The following SPTAN1 variants were observed in gnomAD, a reference collection of about 807,000 sequenced individuals.
SPTAN1 encodes spectrin alpha, non-erythrocytic 1, also known as spectrin alpha chain, non-erythrocytic 1.
SPTAN1 carries 61 observed loss-of-function variants against 331.3 expected under a neutral mutation model. The observed-to-expected ratio is 0.18, with a 90% CI of 0.15 to 0.23. The LOEUF is 0.23. Among genes scored for constraint, SPTAN1 ranks in the 10% least tolerant of loss-of-function variants. The pLI, the probability that SPTAN1 is intolerant of heterozygous loss-of-function variation, is 1.00. For missense variants in SPTAN1, 2,043 were observed against 3,147.9 expected, an observed-to-expected ratio of 0.65 and a Z score of 8.40; for synonymous variants, 1,153 against 1,173.9, an observed-to-expected ratio of 0.98 and a Z score of 0.36.
intron 35 of SPTAN1, 30 bp downstream of exon 35, chr9:128,609,007 C>A: frequency 1.9e-6 from 3 of 1,614,016 alleles, no homozygotes; most frequent in Non-Finnish European, 2.5e-6. Flanking sequence ...GACATAGTCA[C>A]CAGCCCTGAG....
chr9:128,617,898 A>C, intron 42 of SPTAN1, 89 bp from the exon 43 acceptor site: 1 of 1,613,052 alleles, frequency 6.2e-7, no homozygotes, highest in Non-Finnish European at 8.5e-7. Context: ...GAAGTCCCAA[A>C]CTTGATGTTG....
chr9:128,561,083 A>G (rs568791402), intron 1 of SPTAN1, among the ~76,000 whole-genome samples: 1 of 148,106 alleles, frequency 6.8e-6, no homozygotes, highest in Non-Finnish European at 1.5e-5. Context: ...AATAAATAAT[A>G]TGTCGGCCAG....
At position 128,627,463 on chromosome 9, in the gene SPTAN1, C is replaced by T. The variant is rs372825476; in HGVS notation, c.6654C>T (p.His2218=). ...AGCTGCGCCAGGAGTTTGCCCAGCA[C>T]GCCAACGCCTTCCACCAGTGGATCC... The part of the protein sequence containing the change: ...NDKLRQEFAQ[H]ANAFHQWIQE... The change falls in exon 50 of 57, where the codon CAC becomes CAT. Residue 2218 remains histidine (H), a synonymous_variant. Transcript: ENST00000372739. This position sits in a 1 kb window ranked among gnomAD's most constrained non-coding sequence, Gnocchi z 4.9. 5.3e-5 allele frequency: 82 copies of T among 1,551,164 alleles called. No homozygotes were observed. Among genetic ancestry groups the T allele is most frequent in the Admixed American group, 1.2e-4 (6 of 51,024 alleles).
intron 1 of SPTAN1, among the ~76,000 whole-genome samples, chr9:128,557,169 C>G (rs2132676859): frequency 6.6e-6 from 1 of 152,312 alleles, no homozygotes; most frequent in Middle Eastern, 3.4e-3. Context: ...TCCTGTTAGT[C>G]CCTAAAAATC....
At chr9:128,586,604 C>T (rs985592226) in intron 19 of SPTAN1, among the ~76,000 whole-genome samples, 1 of 151,924 alleles carries the variant, frequency 6.6e-6, no homozygotes, top group African/African-American at 2.4e-5. Flanking sequence ...TATATACATA[C>T]CTACAAACAT....
chr9:128,592,957 G>T, intron 22 of SPTAN1, 26 bp from the exon 23 acceptor site: 1 of 1,595,856 alleles, frequency 6.3e-7, no homozygotes, highest in Non-Finnish European at 8.5e-7. Flanking sequence ...ATTCGTGCAT[G>T]CTTTTGCTGT....
At chr9:128,601,086 C>T (rs376149683) in intron 27 of SPTAN1, among the ~76,000 whole-genome samples, 6 of 147,414 alleles carry the variant, frequency 4.1e-5, no homozygotes, top group African/African-American at 1.3e-4. Flanking sequence ...CAGATTCAAG[C>T]GATCCTCCTT....
At position 128,627,531 on chromosome 9, in the gene SPTAN1, A is replaced by G. The variant is rs753397209; in HGVS notation, c.6689+33A>G. On this transcript the variant is annotated intron_variant, in intron 50 of 56. Transcript: ENST00000372739. The surrounding 1 kb of genome is among the most constrained non-coding windows in gnomAD (Gnocchi z 4.9). ...CCCGCTGGGGCCGGGGAGCAGCAGC[A>G]TGTCCCTGCTGTACTTAAGCCCTGG... The G allele has an allele frequency of 1.1e-5, 17 of 1,525,920 alleles. 1 individual carries two copies. The South Asian group carries it at 1.9e-4, about 17-fold the overall frequency. 94.5% of individuals were successfully genotyped at this position (1,525,920 alleles called of 1,614,324 possible).
chr9:128,562,004 G>T (rs1464213006), intron 1 of SPTAN1, among the ~76,000 whole-genome samples: 1 of 152,152 alleles, frequency 6.6e-6, no homozygotes, highest in Non-Finnish European at 1.5e-5. Context: ...GCAGAATGTG[G>T]CAGTGTTATA....
Position 128,633,202 on chromosome 9 carries a change from C to A in SPTAN1, c.7309-7C>A. The A allele has an allele frequency of 6.2e-7, 1 of 1,613,990 alleles. No individual in the cohort carries two copies. Among genetic ancestry groups the A allele is most frequent in the Non-Finnish European group, 8.5e-7 (1 of 1,180,014 alleles). On this transcript the variant is annotated splice_polypyrimidine_tract_variant and splice_region_variant and intron_variant, in intron 56 of 56. Coordinates refer to ENST00000372739, the MANE Select transcript of SPTAN1 (RefSeq NM_001130438.3). ...TCAGGCACCAGGTGCCATCTCTTAC[C>A]CCACAGAACCTGACCCGGGAACAAG...
At chr9:128,616,469 CTT>C (rs1257612433) in intron 41 of SPTAN1, among the ~76,000 whole-genome samples, 1 of 150,542 alleles carries the variant, frequency 6.6e-6, no homozygotes, top group East Asian at 2.0e-4. Flanking sequence ...GGATTTTGTT[CTT>C]AAAAGACGTT....
chr9:128,593,947 T>C, intron 23 of SPTAN1: 1 of 558,738 alleles, frequency 1.8e-6, no homozygotes, highest in Non-Finnish European at 3.3e-6. Context: ...GCCTGGCTGT[T>C]CTAGCCACCT....
At chr9:128,597,786 G>A (rs1854510070) in intron 24 of SPTAN1, among the ~76,000 whole-genome samples, 1 of 152,144 alleles carries the variant, frequency 6.6e-6, no homozygotes, top group African/African-American at 2.4e-5. Flanking sequence ...GAACAGCTGG[G>A]ATTACAGGCG....
chr9:128,613,105 G>T lies in SPTAN1; in HGVS notation c.5044-276G>T, dbSNP rs117630545. On this transcript the variant is annotated intron_variant, in intron 39 of 56. Transcript: ENST00000372739. Reference sequence around the variant, plus strand: ...CCACACTGCTGATTCTTTCCTAGGGGGGTTTCCTTGAACTAGGATTGCTGT... The same window carrying T: ...CCACACTGCTGATTCTTTCCTAGGGTGGTTTCCTTGAACTAGGATTGCTGT... Among the ~76,000 whole-genome samples, 4,663 of 152,038 alleles carry T rather than the reference G, an allele frequency of 0.031. 147 individuals carry two copies. Among genetic ancestry groups the T allele is most frequent in the Non-Finnish European group, 0.038 (2,609 of 67,974 alleles).
At chr9:128,573,483 T>A (rs1454604578) in intron 3 of SPTAN1, among the ~76,000 whole-genome samples, 2 of 152,218 alleles carry the variant, frequency 1.3e-5, no homozygotes, top group Non-Finnish European at 2.9e-5. Context: ...CGAGATGGAT[T>A]CTTGTTCTGT....
chr9:128,563,012 ATATATATATATATATG>A (rs1849596745), intron 1 of SPTAN1, among the ~76,000 whole-genome samples: 3 of 140,028 alleles, frequency 2.1e-5, no homozygotes, highest in African/African-American at 8.2e-5. Flanking sequence ...ATATATATAT[ATATATATATATATATG>A]TATATATTTT....
Position 128,607,629 on chromosome 9 carries a change from A to G in SPTAN1, c.4072A>G (p.Ile1358Val). 1.2e-6 allele frequency: 2 copies of G among 1,614,038 alleles called. No homozygotes were observed. The highest frequency in any genetic ancestry group is 1.7e-6 in the Non-Finnish European group (2 of 1,179,990). The change falls in exon 32 of 57, where the codon ATA becomes GTA. Residue 1358 changes from isoleucine to valine, a missense_variant. By Grantham distance (29) the Ile-to-Val change is conservative (BLOSUM62 3). Coordinates refer to ENST00000372739, the MANE Select transcript of SPTAN1 (RefSeq NM_001130438.3). ...GGACCTCATGTCTTGGATCAATGGA[A>G]TACGGGGGTTGGTGTCCTCAGATGA... ...FRDLMSWING[I>V]RGLVSSDELA...
chr9:128,562,862 G>A (rs970511430), intron 1 of SPTAN1, among the ~76,000 whole-genome samples: 8 of 151,686 alleles, frequency 5.3e-5, no homozygotes, highest in Admixed American at 5.3e-4. Context: ...CTACTCAGGA[G>A]GCTGAGGCAG....
Position 128,608,853 on chromosome 9 carries a change from C to T in SPTAN1, c.4492-21C>T, listed in dbSNP as rs760654962. On this transcript the variant is annotated intron_variant, in intron 34 of 56. Coordinates refer to ENST00000372739, the MANE Select transcript of SPTAN1 (RefSeq NM_001130438.3). ...CCCAGCCACAGGCCCACCTTGATCT[C>T]ATGCCTTTGTTTTCTGACAGGAAGA... is the stretch of plus-strand genomic sequence containing the variant. 32 of 1,612,530 alleles carry T rather than the reference C, an allele frequency of 2.0e-5. No homozygotes were observed. In the Admixed American group the frequency reaches 5.3e-4, roughly 27 times the overall value.
Sources: gnomAD v4.1 joint callset for allele counts (sites outside exome capture counted in the v4.1 genomes callset) on GRCh38, gnomAD v4.1.1 for gene constraint, Gnocchi (gnomAD v3.1) non-coding constraint, MANE v1.5 for transcripts, NCBI Gene and HGNC (gene_info 2026-07-23, HGNC 2026-07-21) for gene names.